The following CLVS1 variants were observed in gnomAD, a reference collection of about 807,000 sequenced individuals.
CLVS1 encodes clavesin-1.
Under a neutral mutation model 33.1 loss-of-function variants are expected in CLVS1, and 10 were observed. That is an observed-to-expected ratio of 0.30 (90% CI 0.19 to 0.51). The LOEUF is 0.51. Among genes scored for constraint, CLVS1 ranks in the 20% least tolerant of loss-of-function variants. The pLI is 0.97. For missense variants in CLVS1, 343 were observed against 433.4 expected (o/e 0.79, Z 1.85); for synonymous variants, 163 against 166.1 (o/e 0.98, Z 0.14).
intron 2 of CLVS1, among the ~76,000 whole-genome samples, chr8:61,375,354 G>A (rs568047657): frequency 2.0e-5 from 3 of 151,326 alleles, no homozygotes; most frequent in East Asian, 2.0e-4. Flanking sequence ...GGGTTCAAGC[G>A]ATTCTCCTGC....
rs899701743 is a variant in CLVS1 at position 61,480,980 on chromosome 8, G to A, written c.978-18475G>A. Among the ~76,000 whole-genome samples the A allele has an allele frequency of 7.9e-5, 12 of 152,092 alleles. No individual in the cohort carries two copies. In the East Asian group the frequency reaches 2.1e-3, roughly 27 times the overall value. On this transcript the variant is annotated intron_variant, in intron 5 of 5. Transcript: ENST00000325897. Reference sequence around the variant, plus strand: ...ATATTGTTGGAGTCATCCAGAGCTGGGATTTGATTAAAGGAGCTCAGTGTA... The same window carrying A: ...ATATTGTTGGAGTCATCCAGAGCTGAGATTTGATTAAAGGAGCTCAGTGTA...
intron 2 of CLVS1, among the ~76,000 whole-genome samples, chr8:61,156,304 C>A (rs552883436): frequency 6.6e-6 from 1 of 151,348 alleles, no homozygotes; most frequent in African/African-American, 2.4e-5. Flanking sequence ...AAGCTCTATG[C>A]CCCTATTCAT....
At chr8:61,060,616 CTTCCCACCCCTTATA>C (rs1237443415) in intron 1 of CLVS1, among the ~76,000 whole-genome samples, 1 of 152,184 alleles carries the variant, frequency 6.6e-6, no homozygotes, top group Non-Finnish European at 1.5e-5. Flanking sequence ...CACAGCGCCC[CTTCCCACCCCTTATA>C]TTCAGTACTA....
chr8:61,386,622 C>T (rs1814096138), intron 3 of CLVS1, among the ~76,000 whole-genome samples: 1 of 151,938 alleles, frequency 6.6e-6, no homozygotes, highest in African/African-American at 2.4e-5. Flanking sequence ...GTCTAGTGTT[C>T]ATGATATAAG....
intron 2 of CLVS1, among the ~76,000 whole-genome samples, chr8:61,135,371 G>A (rs1806174765): frequency 6.6e-6 from 1 of 152,156 alleles, no homozygotes; most frequent in Non-Finnish European, 1.5e-5. Context: ...CCCGCCTGTA[G>A]GAGTTGGTTC....
chr8:61,180,984 G>A (rs558748995), intron 2 of CLVS1, among the ~76,000 whole-genome samples: 1 of 152,230 alleles, frequency 6.6e-6, no homozygotes, highest in South Asian at 2.1e-4. Flanking sequence ...GGAAGTTCTG[G>A]CCAGGGCAAT....
At chr8:61,184,935 CAGA>C (rs1055615461) in intron 2 of CLVS1, among the ~76,000 whole-genome samples, 27 of 152,128 alleles carry the variant, frequency 1.8e-4, no homozygotes, top group African/African-American at 5.8e-4. Flanking sequence ...TTAAAGTTCA[CAGA>C]AGAATAAGAA....
intron 4 of CLVS1, among the ~76,000 whole-genome samples, chr8:61,454,947 T>C (rs1277459610): frequency 2.0e-5 from 3 of 152,230 alleles, no homozygotes; most frequent in Non-Finnish European, 2.9e-5. Flanking sequence ...AGACAGCTAA[T>C]GAAAACATGT....
intron 2 of CLVS1, among the ~76,000 whole-genome samples, chr8:61,150,706 C>T (rs1806513783): frequency 6.6e-6 from 1 of 152,206 alleles, no homozygotes. Context: ...AGGTAGCATC[C>T]ACCCTTTGGT....
At chr8:61,062,163 C>T (rs1019102172) in intron 1 of CLVS1, among the ~76,000 whole-genome samples, 2 of 152,156 alleles carry the variant, frequency 1.3e-5, no homozygotes, top group African/African-American at 2.4e-5. Context: ...TGGGATGCTA[C>T]TCCATGGAGT....
At chr8:61,033,123 A>AAGG in the CLVS1 span, among the ~76,000 whole-genome samples, 82 of 75,198 alleles carry the variant, frequency 1.1e-3, 12 homozygotes, top group Non-Finnish European at 1.0e-3. Context: ...AGGAAGGAAG[A>AAGG]AAGGAAAGAA....
chr8:61,124,250 G>A (rs1805931948), intron 1 of CLVS1, among the ~76,000 whole-genome samples: 1 of 152,142 alleles, frequency 6.6e-6, no homozygotes, highest in Non-Finnish European at 1.5e-5. Context: ...GAATTAAAGC[G>A]AGGAATATAT....
At chr8:61,048,648 T>C in the CLVS1 span, among the ~76,000 whole-genome samples, 1 of 152,004 alleles carries the variant, frequency 6.6e-6, no homozygotes, top group African/African-American at 2.4e-5. Flanking sequence ...GATATAGAGG[T>C]ATAGAAGGCA....
At chr8:61,243,927 T>A (rs566772293) in intron 2 of CLVS1, among the ~76,000 whole-genome samples, 75 of 152,328 alleles carry the variant, frequency 4.9e-4, no homozygotes, top group African/African-American at 1.7e-3. Context: ...ATTTTTAAGA[T>A]CTTCTTTTCT....
chr8:61,093,700 C>T (rs531540429), intron 1 of CLVS1, among the ~76,000 whole-genome samples: 25 of 152,348 alleles, frequency 1.6e-4, no homozygotes, highest in African/African-American at 5.8e-4. Context: ...ACTTTTCTTT[C>T]TGGAACACAC....
At chr8:60,978,420 G>A in the CLVS1 span, among the ~76,000 whole-genome samples, 3 of 152,204 alleles carry the variant, frequency 2.0e-5, no homozygotes, top group Non-Finnish European at 2.9e-5. Flanking sequence ...AAATATATAT[G>A]AGCAGAATAT....
At chr8:61,303,856 G>C (rs1563486613) in intron 2 of CLVS1, among the ~76,000 whole-genome samples, 1 of 152,198 alleles carries the variant, frequency 6.6e-6, no homozygotes, top group Non-Finnish European at 1.5e-5. Context: ...AAGCACTCTA[G>C]ATATTAGCTT....
At chr8:61,095,986 A>G (rs1167374967) in intron 1 of CLVS1, among the ~76,000 whole-genome samples, 1 of 152,234 alleles carries the variant, frequency 6.6e-6, no homozygotes, top group African/African-American at 2.4e-5. Flanking sequence ...CAACAGAGGA[A>G]ACAGAGAAGA....
At chr8:60,972,341 A>G in the CLVS1 span, among the ~76,000 whole-genome samples, 27 of 152,300 alleles carry the variant, frequency 1.8e-4, no homozygotes, top group South Asian at 6.2e-4. Flanking sequence ...CATGGGCCAA[A>G]CTAACTCTGG....
Sources: allele counts gnomAD v4.1 joint callset (sites outside exome capture counted in the v4.1 genomes callset), GRCh38; gene constraint gnomAD v4.1.1; transcripts MANE v1.5; gene names NCBI Gene and HGNC (gene_info 2026-07-23, HGNC 2026-07-21).